The following USP15 variants were observed in gnomAD, a reference collection of about 807,000 sequenced individuals.
The protein encoded by USP15 is ubiquitin carboxyl-terminal hydrolase 15.
A neutral mutation model predicts 127.1 loss-of-function variants in USP15; 18 were observed. The observed-to-expected ratio is 0.14, with a 90% CI of 0.10 to 0.21. USP15 has a LOEUF of 0.21. Among genes scored for constraint, USP15 ranks in the 10% least tolerant of loss-of-function variants. The probability of loss-of-function intolerance (pLI) is 1.00; values close to 1 mark genes in which losing one functional copy is unlikely to be tolerated. For missense variants in USP15, 805 were observed against 1,159.9 expected (o/e 0.69, Z 4.44); for synonymous variants, 364 against 393.7 (o/e 0.92, Z 0.89).
At chr12:62,342,924 C>G (rs557514703) in intron 6 of USP15, among the ~76,000 whole-genome samples, 2 of 152,292 alleles carry the variant, frequency 1.3e-5, no homozygotes, top group Middle Eastern at 3.4e-3. Context: ...AGAGCTGGTA[C>G]GCTGTGCTGG....
chr12:62,365,750 C>G (rs1178851731), intron 8 of USP15, among the ~76,000 whole-genome samples: 1 of 152,032 alleles, frequency 6.6e-6, no homozygotes, highest in Admixed American at 6.5e-5. Flanking sequence ...GGAAGGGGTC[C>G]AGTTTCTGTT....
intron 8 of USP15, among the ~76,000 whole-genome samples, chr12:62,365,242 C>T (rs981626384): frequency 6.6e-6 from 1 of 152,144 alleles, no homozygotes; most frequent in African/African-American, 2.4e-5. Context: ...TAATGATCGC[C>T]ATTCTAACTG....
intron 6 of USP15, chr12:62,328,225 A>T: frequency 2.3e-6 from 1 of 428,114 alleles, no homozygotes; most frequent in Non-Finnish European, 4.6e-6. Context: ...CTAATATAAG[A>T]TTAATTTATA....
intron 6 of USP15, chr12:62,335,834 G>A: frequency 1.0e-6 from 1 of 985,166 alleles, no homozygotes; most frequent in South Asian, 4.7e-5. Flanking sequence ...CCTGTCTTTA[G>A]TATTTCTTTT....
chr12:62,401,148 A>G, intron 20 of USP15, 39 bp from the exon 21 acceptor site: 1 of 1,492,980 alleles, frequency 6.7e-7, no homozygotes, highest in Non-Finnish European at 9.2e-7. Flanking sequence ...CAGAAAACCA[A>G]GATCATTTTC....
At position 62,390,845 on chromosome 12, in the gene USP15, A is replaced by G. The variant is rs756789108; in HGVS notation, c.1845-19A>G. ...ATCTTTGTAGTACTGAACTTGTTTG[A>G]TTTTTGATTTTACTTAAGCCGATAT... On this transcript the variant is annotated intron_variant, in intron 14 of 21. Coordinates refer to ENST00000280377, the MANE Select transcript of USP15 (RefSeq NM_001252078.2). 10 of 1,572,162 alleles carry G rather than the reference A, an allele frequency of 6.4e-6. No homozygotes were observed. The East Asian group carries it at 2.0e-4, about 32-fold the overall frequency.
intron 1 of USP15, among the ~76,000 whole-genome samples, chr12:62,273,117 TC>T (rs1385998278): frequency 6.6e-6 from 1 of 151,212 alleles, no homozygotes; most frequent in Non-Finnish European, 1.5e-5. Flanking sequence ...AGTCATTCCT[TC>T]AACACTCAAA....
chr12:62,391,468 C>T, intron 16 of USP15, 39 bp downstream of exon 16: 2 of 1,569,610 alleles, frequency 1.3e-6, no homozygotes, highest in South Asian at 1.2e-5. Flanking sequence ...ATTAAACAAG[C>T]CGAGCATGTT....
chr12:62,341,202 CT>C (rs146573800), intron 6 of USP15, among the ~76,000 whole-genome samples: 49,362 of 147,956 alleles, frequency 0.33, 8,545 homozygotes, highest in African/African-American at 0.45. Context: ...TCAACCCCTG[CT>C]TTTTTTTTTT....
In USP15 at chr12:62,399,248, A is replaced by G. The variant is rs142595497; in HGVS notation, c.2675-1939A>G. On this transcript the variant is annotated intron_variant, in intron 20 of 21. Coordinates refer to ENST00000280377, the MANE Select transcript of USP15 (RefSeq NM_001252078.2). ...GGTCAAGAAACAATACAGCATGCAC[A>G]GCAACAGCTTAGCAGAGGTCCTGTG... 6.0e-4 allele frequency among the ~76,000 whole-genome samples: 92 copies of G among 152,364 alleles called. 1 individual carries two copies. The East Asian group carries it at 0.015, about 25-fold the overall frequency.
At chr12:62,274,062 A>T (rs2063411090) in intron 1 of USP15, 1 of 152,100 alleles carries the variant, frequency 6.6e-6, no homozygotes, top group African/African-American at 2.4e-5. Flanking sequence ...AAATAAATGG[A>T]ATTTAAAGTT....
At chr12:62,367,528 G>T (rs532685075) in intron 8 of USP15, among the ~76,000 whole-genome samples, 1 of 152,202 alleles carries the variant, frequency 6.6e-6, no homozygotes, top group South Asian at 2.1e-4. Context: ...TCAGGGATTT[G>T]ACTTCTTCCT....
intron 1 of USP15, among the ~76,000 whole-genome samples, chr12:62,269,784 A>G (rs1327975699): frequency 6.6e-6 from 1 of 152,120 alleles, no homozygotes; most frequent in Admixed American, 6.6e-5. Flanking sequence ...ATTCCATTGT[A>G]TAGATATAAC....
intron 6 of USP15, among the ~76,000 whole-genome samples, chr12:62,344,643 C>T (rs1373430905): frequency 6.6e-6 from 1 of 152,228 alleles, no homozygotes; most frequent in Admixed American, 6.5e-5. Flanking sequence ...TATTTCCCTT[C>T]CTGGCTGCCC....
intron 5 of USP15, among the ~76,000 whole-genome samples, chr12:62,323,546 A>C (rs945890631): frequency 5.3e-5 from 8 of 152,168 alleles, no homozygotes; most frequent in African/African-American, 1.9e-4. Context: ...TTAAAAGGGA[A>C]ATGAAGCTGA....
chr12:62,413,028 T>G lies in USP15; in HGVS notation c.*8653T>G, dbSNP rs968926723. ...AAGACTTGAAAGCTGAAGTTATTCT[T>G]TGATCTATGGCTGCAGAATGGATGT... On this transcript the variant is annotated 3_prime_UTR_variant, in exon 22 of 22. Coordinates refer to ENST00000280377, the MANE Select transcript of USP15 (RefSeq NM_001252078.2). The G allele has an allele frequency of 6.6e-6, 1 of 152,228 alleles. No homozygotes were observed. The highest frequency in any genetic ancestry group is 2.4e-5 in the African/African-American group (1 of 41,456). 9.4% of individuals were successfully genotyped at this position (152,228 alleles called of 1,614,324 possible). A position where few individuals can be genotyped will look rare whatever the true frequency, so the allele number is the denominator to read the frequency against.
At chr12:62,295,205 A>C (rs1592521579) in intron 2 of USP15, among the ~76,000 whole-genome samples, 1 of 152,170 alleles carries the variant, frequency 6.6e-6, no homozygotes, top group East Asian at 1.9e-4. Flanking sequence ...AAAACTGCCC[A>C]AGGTCAGACA....
Position 62,406,137 on chromosome 12 carries a change from T to A in USP15, c.*1762T>A, listed in dbSNP as rs893499401. 6.6e-6 allele frequency: 1 copy of A among 152,178 alleles called. No individual in the cohort carries two copies. Among genetic ancestry groups the A allele is most frequent in the African/African-American group, 2.4e-5 (1 of 41,446 alleles). 9.4% of individuals were successfully genotyped at this position (152,178 alleles called of 1,614,324 possible). On this transcript the variant is annotated 3_prime_UTR_variant, in exon 22 of 22. Coordinates refer to ENST00000280377, the MANE Select transcript of USP15 (RefSeq NM_001252078.2). ...AGGCCTTATTTAGTCTTTTATTTCT[T>A]ACTCTTAATCTTTTAATAAAAATCC...
At chr12:62,402,180 T>G (rs1268418191) in intron 21 of USP15, among the ~76,000 whole-genome samples, 1 of 151,810 alleles carries the variant, frequency 6.6e-6, no homozygotes, top group Non-Finnish European at 1.5e-5. Context: ...GTATACAAAT[T>G]TGAGGTTGCC....
Sources: allele counts gnomAD v4.1 joint callset (sites outside exome capture counted in the v4.1 genomes callset), GRCh38; gene constraint gnomAD v4.1.1; transcripts MANE v1.5; gene names NCBI Gene and HGNC (gene_info 2026-07-23, HGNC 2026-07-21).